The following GRID2 variants were observed in gnomAD, a reference collection of about 807,000 sequenced individuals.
GRID2 encodes the protein glutamate receptor ionotropic, delta-2.
GRID2 carries 33 observed loss-of-function variants against 114.8 expected under a neutral mutation model. The ratio of observed to expected loss-of-function variants is 0.29; its 90% CI spans 0.22 to 0.38. The LOEUF (loss-of-function observed/expected upper bound fraction) is 0.38. Ranked by LOEUF, GRID2 falls within the 10% of genes least tolerant of loss-of-function variation. The probability of loss-of-function intolerance (pLI) is 1.00; values close to 1 mark genes in which losing one functional copy is unlikely to be tolerated. For missense variants in GRID2, 1,184 were observed against 1,257.7 expected, an observed-to-expected ratio of 0.94 and a Z score of 0.89; for synonymous variants, 505 against 449.9, an observed-to-expected ratio of 1.12 and a Z score of -1.55.
chr4:93,348,308 A>G (rs918739908), intron 8 of GRID2, among the ~76,000 whole-genome samples: 1 of 152,180 alleles, frequency 6.6e-6, no homozygotes, highest in African/African-American at 2.4e-5. Flanking sequence ...ATTCTATTCT[A>G]TATCCTAAGC....
intron 2 of GRID2, among the ~76,000 whole-genome samples, chr4:92,870,660 A>G (rs1391604102): frequency 6.6e-6 from 1 of 152,194 alleles, no homozygotes; most frequent in African/African-American, 2.4e-5. Context: ...TTATTAAATT[A>G]TAGTTCATCT....
At chr4:93,160,794 G>A (rs768904760) in intron 4 of GRID2, among the ~76,000 whole-genome samples, 1 of 151,776 alleles carries the variant, frequency 6.6e-6, no homozygotes, top group Non-Finnish European at 1.5e-5. Flanking sequence ...TAAGCCAGTA[G>A]TATCACTGTC....
At chr4:93,039,156 A>G (rs941463865) in intron 2 of GRID2, among the ~76,000 whole-genome samples, 10 of 152,300 alleles carry the variant, frequency 6.6e-5, no homozygotes, top group Admixed American at 2.0e-4. Flanking sequence ...GGATGAGTTC[A>G]TGTCCTTTGC....
At chr4:93,032,363 G>A (rs981576140) in intron 2 of GRID2, among the ~76,000 whole-genome samples, 4 of 152,110 alleles carry the variant, frequency 2.6e-5, no homozygotes, top group Non-Finnish European at 2.9e-5. Context: ...TCACAAAATT[G>A]AATCTTGAAA....
At chr4:93,341,089 A>G (rs959474359) in intron 8 of GRID2, among the ~76,000 whole-genome samples, 1 of 152,162 alleles carries the variant, frequency 6.6e-6, no homozygotes, top group Non-Finnish European at 1.5e-5. Context: ...ATATACAGAA[A>G]TCTTTCTTTT....
chr4:92,638,942 T>C (rs116774005), intron 2 of GRID2, among the ~76,000 whole-genome samples: 1,803 of 151,380 alleles, frequency 0.012, 37 homozygotes, highest in African/African-American at 0.042. Flanking sequence ...AATATAACTT[T>C]ATCATTAAAT....
intron 2 of GRID2, among the ~76,000 whole-genome samples, chr4:92,692,061 C>G (rs1344020591): frequency 6.6e-6 from 1 of 152,098 alleles, no homozygotes; most frequent in East Asian, 1.9e-4. Flanking sequence ...CTTGTAAATA[C>G]TGGTTACTAT....
intron 13 of GRID2, among the ~76,000 whole-genome samples, chr4:93,596,991 A>G (rs1289521454): frequency 6.6e-5 from 10 of 152,234 alleles, no homozygotes; most frequent in African/African-American, 2.2e-4. Flanking sequence ...GATAAGAAAT[A>G]TATTGCTCAT....
chr4:93,536,133 G>A (rs1272248860), intron 13 of GRID2, among the ~76,000 whole-genome samples: 1 of 151,930 alleles, frequency 6.6e-6, no homozygotes, highest in Non-Finnish European at 1.5e-5. Flanking sequence ...GTAGTACCCA[G>A]AGGGATCTAT....
intron 8 of GRID2, among the ~76,000 whole-genome samples, chr4:93,314,319 A>T (rs1756347082): frequency 6.6e-6 from 1 of 150,690 alleles, no homozygotes. Flanking sequence ...AAAAAAAAAA[A>T]AAAAAAAAAA....
chr4:92,567,437 CTA>C (rs1727389258), intron 1 of GRID2, among the ~76,000 whole-genome samples: 1 of 151,914 alleles, frequency 6.6e-6, no homozygotes, highest in South Asian at 2.1e-4. Context: ...ATTTGAATAT[CTA>C]TAGCATTACT....
intron 11 of GRID2, among the ~76,000 whole-genome samples, chr4:93,484,656 C>T (rs1170494844): frequency 6.6e-6 from 1 of 151,866 alleles, no homozygotes; most frequent in Admixed American, 6.6e-5. Flanking sequence ...GGATTGATTA[C>T]AGCTCCACAT....
chr4:93,553,275 A>T (rs1018310126), intron 13 of GRID2, among the ~76,000 whole-genome samples: 1 of 152,206 alleles, frequency 6.6e-6, no homozygotes, highest in Non-Finnish European at 1.5e-5. Flanking sequence ...AATTCTCCAC[A>T]TCCTCTCCAG....
At chr4:93,213,556 G>A (rs574576163) in intron 5 of GRID2, among the ~76,000 whole-genome samples, 1 of 152,220 alleles carries the variant, frequency 6.6e-6, no homozygotes, top group African/African-American at 2.4e-5. Context: ...CAAAATATTT[G>A]TTAGATGCTA....
chr4:93,645,633 AC>A (rs1392686817), intron 14 of GRID2, among the ~76,000 whole-genome samples: 1 of 152,114 alleles, frequency 6.6e-6, no homozygotes, highest in Non-Finnish European at 1.5e-5. Context: ...TCTCCTGGAT[AC>A]CTGGGTCATC....
intron 13 of GRID2, among the ~76,000 whole-genome samples, chr4:93,527,648 AT>A (rs1731042934): frequency 6.6e-6 from 1 of 152,056 alleles, no homozygotes; most frequent in African/African-American, 2.4e-5. Context: ...TTTAAAGTTC[AT>A]TTTTTCAATG....
chr4:93,683,109 T>A (rs1725742192), intron 14 of GRID2, among the ~76,000 whole-genome samples: 1 of 151,864 alleles, frequency 6.6e-6, no homozygotes, highest in Admixed American at 6.6e-5. Flanking sequence ...AGATGTTACC[T>A]TTGGGGGGAA....
At position 93,758,898 on chromosome 4, in the gene GRID2, T is replaced by C. The variant is rs898101291; in HGVS notation, c.2361-10312T>C. ...TTTCTCCTTTACCCTATAACCCAAA[T>C]ATCACACTGAGCTTAAGGATGAAGC... On this transcript the variant is annotated intron_variant, in intron 14 of 15. Transcript: ENST00000282020. Among the ~76,000 whole-genome samples, 4 of 152,176 alleles carry C rather than the reference T, an allele frequency of 2.6e-5. No individual in the cohort carries two copies. In the South Asian group the frequency reaches 8.3e-4, roughly 32 times the overall value.
chr4:93,234,276 G>A (rs1412405548), intron 7 of GRID2, among the ~76,000 whole-genome samples: 1 of 151,998 alleles, frequency 6.6e-6, no homozygotes, highest in African/African-American at 2.4e-5. Flanking sequence ...AACTGGAATA[G>A]ATTTAATTTA....
Sources: gnomAD v4.1 joint callset for allele counts (sites outside exome capture counted in the v4.1 genomes callset) on GRCh38, gnomAD v4.1.1 for gene constraint, MANE v1.5 for transcripts, NCBI Gene and HGNC (gene_info 2026-07-23, HGNC 2026-07-21) for gene names.